Variants in GRK5 observed in about 807,000 individuals in gnomAD.
GRK5 encodes g protein-coupled receptor kinase GRK5.
A neutral mutation model predicts 78.4 loss-of-function variants in GRK5; 40 were observed. That is an observed-to-expected ratio of 0.51 (90% CI 0.40 to 0.66). GRK5 has a LOEUF of 0.66. Ranked by LOEUF, GRK5 falls within the 30% of genes least tolerant of loss-of-function variation. The pLI is 0.00. For missense variants in GRK5, 598 were observed against 759.9 expected (o/e 0.79, Z 2.50); for synonymous variants, 289 against 296.8 (o/e 0.97, Z 0.27).
At position 119,378,655 on chromosome 10, in the gene GRK5, C is replaced by T. The variant is rs1352301056; in HGVS notation, c.149-2160C>T. Among the ~76,000 whole-genome samples the T allele has an allele frequency of 7.1e-6, 1 of 140,860 alleles. No individual in the cohort carries two copies. The highest frequency in any genetic ancestry group is 2.7e-5 in the African/African-American group (1 of 36,762). The allele number at this position is 140,860 out of a possible 152,430, so 92.4% of individuals were successfully genotyped here. On this transcript the variant is annotated intron_variant, in intron 2 of 15. Transcript: ENST00000392870. This position sits in a 1 kb window ranked among gnomAD's most constrained non-coding sequence, Gnocchi z 4.5. Reference sequence around the variant, plus strand: ...TCAGGGCTCCTCTCTCCGCTCATCTCCGCTTGTGTGCGGGCTGCGCCTCCG... The same window carrying T: ...TCAGGGCTCCTCTCTCCGCTCATCTTCGCTTGTGTGCGGGCTGCGCCTCCG...
At chr10:119,214,314 G>T (rs1337076629) in intron 1 of GRK5, among the ~76,000 whole-genome samples, 1 of 152,212 alleles carries the variant, frequency 6.6e-6, no homozygotes, top group Non-Finnish European at 1.5e-5. Flanking sequence ...GGTGTGAACA[G>T]AACTGGATTT....
intron 12 of GRK5, among the ~76,000 whole-genome samples, chr10:119,446,790 G>A (rs1853157936): frequency 6.6e-6 from 1 of 152,136 alleles, no homozygotes; most frequent in Non-Finnish European, 1.5e-5. Context: ...CTTTGTTTGG[G>A]GGGCAGCCCC....
At chr10:119,327,459 G>C (rs924368051) in intron 2 of GRK5, among the ~76,000 whole-genome samples, 11 of 152,196 alleles carry the variant, frequency 7.2e-5, no homozygotes, top group African/African-American at 2.7e-4. Context: ...GGTCATGGAC[G>C]TGCTGAACAC....
At chr10:119,442,768 C>T (rs1853063535) in intron 11 of GRK5, among the ~76,000 whole-genome samples, 1 of 152,240 alleles carries the variant, frequency 6.6e-6, no homozygotes, top group Admixed American at 6.5e-5. Context: ...TGCCTTGTCT[C>T]TGGTGCTAGA....
chr10:119,331,132 C>G lies in GRK5; in HGVS notation c.148+4521C>G, dbSNP rs1205655837. Among the ~76,000 whole-genome samples the G allele has an allele frequency of 2.0e-5, 3 of 152,196 alleles. No individual in the cohort carries two copies. The South Asian group carries it at 6.2e-4, about 31-fold the overall frequency. ...TTTTTCTGTCCATGGACCACCCCCC[C>G]GCCGCGACCATGGGCCCCAGCCCTG... is the stretch of plus-strand genomic sequence containing the variant. On this transcript the variant is annotated intron_variant, in intron 2 of 15. Coordinates refer to ENST00000392870, the MANE Select transcript of GRK5 (RefSeq NM_005308.3).
chr10:119,313,019 A>ATGGTGGTGGTAATGGTGGTGCTGGTGGAT (rs1850396072), intron 1 of GRK5, among the ~76,000 whole-genome samples: 1 of 12,460 alleles, frequency 8.0e-5, no homozygotes, highest in Non-Finnish European at 1.5e-4. Flanking sequence ...CGGTGATGGT[A>ATGGTGGTGGTAATGGTGGTGCTGGTGGAT]GTGGTAATGG....
intron 2 of GRK5, among the ~76,000 whole-genome samples, chr10:119,352,485 C>A (rs377749156): frequency 6.6e-6 from 1 of 152,174 alleles, no homozygotes; most frequent in African/African-American, 2.4e-5. Context: ...AAACATCCTG[C>A]CCTCAAGGTG....
At chr10:119,290,231 C>T (rs1402939583) in intron 1 of GRK5, among the ~76,000 whole-genome samples, 3 of 150,864 alleles carry the variant, frequency 2.0e-5, no homozygotes, top group Non-Finnish European at 2.9e-5. Context: ...CCTGTAGTCC[C>T]GGTGACTCGA....
At chr10:119,403,611 C>T (rs574296419) in intron 4 of GRK5, among the ~76,000 whole-genome samples, 1 of 152,244 alleles carries the variant, frequency 6.6e-6, no homozygotes, top group African/African-American at 2.4e-5. Flanking sequence ...TTGATGGACA[C>T]TTGTGTTATT....
At chr10:119,334,157 T>A (rs1313244560) in intron 2 of GRK5, among the ~76,000 whole-genome samples, 1 of 152,186 alleles carries the variant, frequency 6.6e-6, no homozygotes, top group Non-Finnish European at 1.5e-5. Context: ...GACAGATTCC[T>A]AGGCCAGCTG....
intron 4 of GRK5, chr10:119,406,529 G>A: frequency 4.2e-6 from 4 of 953,598 alleles, no homozygotes; most frequent in Non-Finnish European, 5.0e-6. Context: ...CACTGGCCCT[G>A]GACCCGGCTC....
At chr10:119,317,347 GGT>G (rs3064482) in intron 1 of GRK5, among the ~76,000 whole-genome samples, 90,992 of 142,190 alleles carry the variant, frequency 0.64, 29,603 homozygotes, top group Middle Eastern at 0.7. Context: ...TCAGTAGATG[GGT>G]GTGTGTGTGT....
At chr10:119,432,254 T>C (rs1023754667) in intron 8 of GRK5, among the ~76,000 whole-genome samples, 1 of 151,744 alleles carries the variant, frequency 6.6e-6, no homozygotes, top group African/African-American at 2.4e-5. Context: ...TGCATGGATA[T>C]TTGGTCAGCT....
chr10:119,436,896 C>T (rs1015822435), intron 9 of GRK5, 55 bp downstream of exon 9: 22 of 1,472,150 alleles, frequency 1.5e-5, no homozygotes, highest in Admixed American at 2.0e-5. Context: ...GTGGGGCCAG[C>T]CCCTCCACAC....
chr10:119,337,290 A>T (rs1850907042), intron 2 of GRK5, among the ~76,000 whole-genome samples: 1 of 152,200 alleles, frequency 6.6e-6, no homozygotes, highest in African/African-American at 2.4e-5. Flanking sequence ...TCTTCCCATG[A>T]TTTGACTCCA....
chr10:119,218,239 G>T (rs79345379), intron 1 of GRK5, among the ~76,000 whole-genome samples: 1 of 152,126 alleles, frequency 6.6e-6, no homozygotes, highest in African/African-American at 2.4e-5. Context: ...GCTCCCTGAT[G>T]ATGAGGGTAC....
chr10:119,407,899 C>A (rs1441338651), intron 4 of GRK5, among the ~76,000 whole-genome samples: 1 of 152,130 alleles, frequency 6.6e-6, no homozygotes, highest in African/African-American at 2.4e-5. Context: ...TGTGGTGGCT[C>A]ACGCCTGTAA....
At chr10:119,214,839 G>A (rs1430721507) in intron 1 of GRK5, among the ~76,000 whole-genome samples, 1 of 152,156 alleles carries the variant, frequency 6.6e-6, no homozygotes, top group Non-Finnish European at 1.5e-5. Flanking sequence ...TTTTATGAAG[G>A]TCTGTTCCTA....
chr10:119,290,371 CA>C (rs1564878623), intron 1 of GRK5, among the ~76,000 whole-genome samples: 2 of 98,204 alleles, frequency 2.0e-5, no homozygotes, highest in African/African-American at 8.0e-5. Context: ...AAACAAAAAA[CA>C]ACTCTGTCCC....
Sources: allele counts gnomAD v4.1 joint callset (sites outside exome capture counted in the v4.1 genomes callset), GRCh38; gene constraint gnomAD v4.1.1; non-coding constraint Gnocchi (gnomAD v3.1); transcripts MANE v1.5; gene names NCBI Gene and HGNC (gene_info 2026-07-23, HGNC 2026-07-21).